TNIK: variants seen among roughly 807,000 people sequenced by gnomAD.
TNIK encodes TRAF2 and NCK interacting kinase.
Under a neutral mutation model 191.3 loss-of-function variants are expected in TNIK, and 49 were observed. The ratio of observed to expected loss-of-function variants is 0.26; its 90% CI spans 0.20 to 0.32. The LOEUF is 0.32. TNIK is among the 10% of genes least tolerant of loss of function. TNIK has a pLI of 1.00. For synonymous variants in TNIK, 594 were observed against 600.9 expected (o/e 0.99, Z 0.17); for missense variants, 1,155 against 1,702.3 (o/e 0.68, Z 5.66).
intron 5 of TNIK, among the ~76,000 whole-genome samples, chr3:171,192,902 A>G (rs918809195): frequency 1.3e-5 from 2 of 152,156 alleles, no homozygotes; most frequent in African/African-American, 4.8e-5. Context: ...TATAATTTAT[A>G]TTTTTGCCTA....
intron 3 of TNIK, among the ~76,000 whole-genome samples, chr3:171,222,407 T>C (rs1241361979): frequency 6.6e-6 from 1 of 152,170 alleles, no homozygotes; most frequent in Non-Finnish European, 1.5e-5. Context: ...TAAGTACTCA[T>C]TTAAGTACTA....
chr3:171,163,304 A>G (rs1342571614), intron 10 of TNIK, among the ~76,000 whole-genome samples: 1 of 152,192 alleles, frequency 6.6e-6, no homozygotes, highest in Admixed American at 6.5e-5. Flanking sequence ...ATCTCTTCAT[A>G]GCTGTAGGTT....
At chr3:171,117,169 C>A (rs1031998779) in intron 18 of TNIK, among the ~76,000 whole-genome samples, 7 of 152,144 alleles carry the variant, frequency 4.6e-5, no homozygotes, top group Admixed American at 2.0e-4. Context: ...ACAATAGGAT[C>A]AAGAGGAGCT....
chr3:171,196,016 G>A (rs1220566774), intron 4 of TNIK, among the ~76,000 whole-genome samples: 1 of 152,168 alleles, frequency 6.6e-6, no homozygotes, highest in Non-Finnish European at 1.5e-5. Context: ...CTTTAAATGT[G>A]CTTAATTAAA....
chr3:171,343,093 T>G (rs1021162277), intron 2 of TNIK, among the ~76,000 whole-genome samples: 51 of 151,708 alleles, frequency 3.4e-4, no homozygotes, highest in African/African-American at 9.9e-4. Flanking sequence ...TGGATATATC[T>G]TCATAGCAAT....
At chr3:171,309,432 A>T (rs946543671) in intron 2 of TNIK, among the ~76,000 whole-genome samples, 65 of 152,162 alleles carry the variant, frequency 4.3e-4, no homozygotes, top group African/African-American at 1.4e-3. Context: ...GGTGAGGATC[A>T]AACAACTATC....
In TNIK at chr3:171,290,202, C is replaced by T. The variant is rs1452951242; in HGVS notation, c.124-61981G>A. On this transcript the variant is annotated intron_variant, in intron 2 of 32. Transcript: ENST00000436636. ...ATGCATCTTCCTGCAACTTATTATT[C>T]CCAGGTGCTCAAAAATACCTATGGT... is the stretch of plus-strand genomic sequence containing the variant. 3.3e-5 allele frequency among the ~76,000 whole-genome samples: 5 copies of T among 152,282 alleles called. No individual in the cohort carries two copies. The East Asian group carries it at 9.7e-4, about 29-fold the overall frequency.
chr3:171,379,950 A>G (rs1489270433), intron 1 of TNIK, among the ~76,000 whole-genome samples: 1 of 152,040 alleles, frequency 6.6e-6, no homozygotes, highest in African/African-American at 2.4e-5. Flanking sequence ...TGGAGGTTGC[A>G]GTGAGCTGAG....
intron 1 of TNIK, among the ~76,000 whole-genome samples, chr3:171,403,549 G>A (rs1451968932): frequency 6.8e-6 from 1 of 147,830 alleles, no homozygotes; most frequent in East Asian, 2.0e-4. Flanking sequence ...GGGAAGCAGA[G>A]GTTGCAGTGA....
intron 1 of TNIK, among the ~76,000 whole-genome samples, chr3:171,426,510 A>G (rs902035239): frequency 6.6e-6 from 1 of 152,198 alleles, no homozygotes; most frequent in African/African-American, 2.4e-5. Context: ...CATATGTAAC[A>G]AACCTGCACG....
At chr3:171,198,608 G>T (rs1448379723) in intron 4 of TNIK, among the ~76,000 whole-genome samples, 1 of 152,078 alleles carries the variant, frequency 6.6e-6, no homozygotes, top group African/African-American at 2.4e-5. Flanking sequence ...ACTAGAAGGG[G>T]CAACATAGAT....
At chr3:171,433,178 G>A (rs1355759115) in intron 1 of TNIK, among the ~76,000 whole-genome samples, 1 of 147,516 alleles carries the variant, frequency 6.8e-6, no homozygotes, top group Non-Finnish European at 1.5e-5. Context: ...TTTGAAAACA[G>A]TCTATATAGA....
chr3:171,441,219 T>G (rs1481984162), intron 1 of TNIK, among the ~76,000 whole-genome samples: 1 of 152,100 alleles, frequency 6.6e-6, no homozygotes, highest in African/African-American at 2.4e-5. Context: ...TTGAGGTACT[T>G]ACATACCATA....
chr3:171,150,006 T>C (rs528247369), intron 12 of TNIK, among the ~76,000 whole-genome samples: 27 of 152,214 alleles, frequency 1.8e-4, no homozygotes, highest in Non-Finnish European at 3.2e-4. Flanking sequence ...TTGCTCACAG[T>C]GCTTTCCTCT....
intron 28 of TNIK, among the ~76,000 whole-genome samples, chr3:171,077,679 T>C (rs965215244): frequency 6.6e-6 from 1 of 152,162 alleles, no homozygotes; most frequent in African/African-American, 2.4e-5. Context: ...CTTAAAACTT[T>C]GGCTCTCTTG....
chr3:171,295,269 A>G (rs906217969), intron 2 of TNIK, among the ~76,000 whole-genome samples: 16 of 152,216 alleles, frequency 1.1e-4, no homozygotes, highest in African/African-American at 3.9e-4. Context: ...TCTTCAAAGC[A>G]GAGGAGAAGA....
intron 2 of TNIK, among the ~76,000 whole-genome samples, chr3:171,344,914 C>T (rs1035291613): frequency 1.3e-5 from 2 of 151,936 alleles, no homozygotes; most frequent in African/African-American, 2.4e-5. Context: ...TAGGAGCTGC[C>T]GAGATTAATA....
At chr3:171,140,546 G>A (rs942528238) in intron 12 of TNIK, 37 bp from the exon 13 acceptor site, 1 of 1,596,152 alleles carries the variant, frequency 6.3e-7, no homozygotes, top group African/African-American at 1.3e-5. Context: ...GAAGGCAACA[G>A]GCCCCGGTGG....
At chr3:171,419,913 C>A (rs925540179) in intron 1 of TNIK, among the ~76,000 whole-genome samples, 1 of 152,104 alleles carries the variant, frequency 6.6e-6, no homozygotes, top group African/African-American at 2.4e-5. Flanking sequence ...ACTCATTTTT[C>A]AATATCCAAC....
Sources: allele counts gnomAD v4.1 joint callset (sites outside exome capture counted in the v4.1 genomes callset), GRCh38; gene constraint gnomAD v4.1.1; transcripts MANE v1.5; gene names NCBI Gene and HGNC (gene_info 2026-07-23, HGNC 2026-07-21).